The following GRIP1 variants were observed in gnomAD, a reference collection of about 807,000 sequenced individuals.
The protein encoded by GRIP1 is glutamate receptor interacting protein 1, also known as glutamate receptor-interacting protein 1.
In GRIP1, 45 loss-of-function variants were observed where a neutral mutation model predicts 129.9. That is an observed-to-expected ratio of 0.35 (90% CI 0.27 to 0.44). The LOEUF is 0.44. GRIP1 is among the 20% of genes least tolerant of loss of function. The probability of loss-of-function intolerance (pLI) is 1.00; values close to 1 mark genes in which losing one functional copy is unlikely to be tolerated. For missense variants in GRIP1, 1,196 were observed against 1,396.8 expected, an observed-to-expected ratio of 0.86 and a Z score of 2.29; for synonymous variants, 530 against 520.8, an observed-to-expected ratio of 1.02 and a Z score of -0.24.
At chr12:67,002,899 G>A (rs1227240238) in intron 1 of GRIP1, among the ~76,000 whole-genome samples, 1 of 152,106 alleles carries the variant, frequency 6.6e-6, no homozygotes, top group Non-Finnish European at 1.5e-5. Flanking sequence ...AGGGTATTTG[G>A]AGAAGAGTCA....
intron 1 of GRIP1, among the ~76,000 whole-genome samples, chr12:66,600,709 G>C (rs6581706): frequency 6.6e-6 from 1 of 151,926 alleles, no homozygotes; most frequent in Non-Finnish European, 1.5e-5. Flanking sequence ...ATGATTTATT[G>C]ACCAACCTTT....
chr12:67,002,667 C>T (rs993592984), intron 1 of GRIP1, among the ~76,000 whole-genome samples: 2 of 152,192 alleles, frequency 1.3e-5, no homozygotes, highest in African/African-American at 4.8e-5. Context: ...TTTCTTTTCT[C>T]ATTTTTAGAT....
intron 1 of GRIP1, among the ~76,000 whole-genome samples, chr12:66,827,501 T>G (rs2039440467): frequency 6.6e-6 from 1 of 151,584 alleles, no homozygotes; most frequent in East Asian, 1.9e-4. Flanking sequence ...GTAGATGTAA[T>G]CACATATATC....
chr12:66,415,619 G>T (rs1031514723), intron 15 of GRIP1, among the ~76,000 whole-genome samples: 1 of 152,036 alleles, frequency 6.6e-6, no homozygotes, highest in South Asian at 2.1e-4. Context: ...ATATATGCAC[G>T]CTTATGTCCA....
chr12:66,354,637 A>G (rs1219111372), intron 23 of GRIP1, among the ~76,000 whole-genome samples: 1 of 152,236 alleles, frequency 6.6e-6, no homozygotes, highest in East Asian at 1.9e-4. Flanking sequence ...TTATATATAT[A>G]TATTTGTTTT....
chr12:66,843,214 CAAG>C (rs1188007931), intron 1 of GRIP1, among the ~76,000 whole-genome samples: 2 of 151,910 alleles, frequency 1.3e-5, no homozygotes, highest in Non-Finnish European at 2.9e-5. Flanking sequence ...ATAATAACAT[CAAG>C]AAGAATAAAA....
intron 23 of GRIP1, among the ~76,000 whole-genome samples, chr12:66,358,616 T>C (rs1004781758): frequency 3.3e-5 from 5 of 152,102 alleles, no homozygotes; most frequent in African/African-American, 1.2e-4. Context: ...GCATGGCTAA[T>C]TTTTGTAGTT....
chr12:66,730,157 TTAG>T (rs1200549016), intron 1 of GRIP1, among the ~76,000 whole-genome samples: 7 of 152,200 alleles, frequency 4.6e-5, no homozygotes, highest in Non-Finnish European at 7.3e-5. Flanking sequence ...ATTACACCTA[TTAG>T]TAGTTCTATT....
At position 66,354,264 on chromosome 12, in the gene GRIP1, C is replaced by CTAAA. The variant is rs575158528; in HGVS notation, c.3013-705_3013-702dup. 3.9e-5 allele frequency among the ~76,000 whole-genome samples: 6 copies of CTAAA among 152,302 alleles called. No individual in the cohort carries two copies. The South Asian group carries it at 1.2e-3, about 32-fold the overall frequency. On this transcript the variant is annotated intron_variant, in intron 23 of 24. Coordinates refer to ENST00000359742, the MANE Select transcript of GRIP1 (RefSeq NM_001366722.1). Reference sequence around the variant, plus strand: ...TGCATCTAAGGCCAACCACAGCTGGCTAAAGCCTCACTCCTCCACCAGCCC... The same window carrying CTAAA: ...TGCATCTAAGGCCAACCACAGCTGGCTAAATAAAGCCTCACTCCTCCACCAGCCC...
chr12:66,751,539 A>C (rs2037126971), intron 1 of GRIP1, among the ~76,000 whole-genome samples: 1 of 152,140 alleles, frequency 6.6e-6, no homozygotes, highest in Non-Finnish European at 1.5e-5. Context: ...AGTTTATTTC[A>C]TTTCTAACCT....
intron 1 of GRIP1, among the ~76,000 whole-genome samples, chr12:66,639,828 T>A (rs2031761862): frequency 6.6e-6 from 1 of 152,200 alleles, no homozygotes; most frequent in Non-Finnish European, 1.5e-5. Flanking sequence ...TCATGACACA[T>A]ATGAGCAACT....
Position 66,846,820 on chromosome 12 carries a change from C to A in GRIP1, c.58+222230G>T, listed in dbSNP as rs959446878. Among the ~76,000 whole-genome samples, 3 of 152,190 alleles carry A rather than the reference C, an allele frequency of 2.0e-5. No homozygotes were observed. In the East Asian group the frequency reaches 5.8e-4, roughly 29 times the overall value. ...TGTGGGGAAACACCTGGGTCAGCCA[C>A]GGGGCAGAGGAAGAGGGGGGACCTG... On this transcript the variant is annotated intron_variant, in intron 1 of 1. Coordinates refer to the GRIP1 transcript ENST00000643019.
At chr12:66,837,276 G>C (rs1168340171) in intron 1 of GRIP1, among the ~76,000 whole-genome samples, 1 of 152,184 alleles carries the variant, frequency 6.6e-6, no homozygotes, top group Non-Finnish European at 1.5e-5. Context: ...TAGAGTAAAG[G>C]AGAGAGAGAT....
chr12:66,603,481 C>T (rs1483226296), intron 1 of GRIP1, among the ~76,000 whole-genome samples: 1 of 152,210 alleles, frequency 6.6e-6, no homozygotes, highest in African/African-American at 2.4e-5. Flanking sequence ...CAGCCTCCAC[C>T]CCAACCCAGG....
intron 1 of GRIP1, among the ~76,000 whole-genome samples, chr12:66,732,512 T>G (rs1013232121): frequency 6.6e-6 from 1 of 151,848 alleles, no homozygotes; most frequent in East Asian, 1.9e-4. Flanking sequence ...GTGATTGTGT[T>G]ACTTCACTCC....
rs191741129 is a variant in GRIP1, at chr12:66,482,478, G to A, written c.725-17056C>T. On this transcript the variant is annotated intron_variant, in intron 7 of 24. Coordinates refer to ENST00000359742, the MANE Select transcript of GRIP1 (RefSeq NM_001366722.1). The stretch of plus-strand genomic sequence containing the variant: ...GGCAGTCACTTTCTGCATCACAGAA[G>A]GGAATCTACGAATGTTAATGTTTAA... Among the ~76,000 whole-genome samples the A allele has an allele frequency of 5.9e-5, 9 of 152,302 alleles. 1 individual carries two copies. In the East Asian group the frequency reaches 1.7e-3, roughly 29 times the overall value.
chr12:67,039,841 A>T (rs2043149608), intron 1 of GRIP1, among the ~76,000 whole-genome samples: 2 of 152,162 alleles, frequency 1.3e-5, no homozygotes, highest in South Asian at 4.1e-4. Flanking sequence ...TATAAATAAC[A>T]ATTATCCTAT....
In GRIP1 at chr12:66,348,239, T is replaced by TA. The variant is rs1306520544; in HGVS notation, c.*779dup. 1 of 152,178 alleles carries TA rather than the reference T, an allele frequency of 6.6e-6. No homozygotes were observed. Among genetic ancestry groups the TA allele is most frequent in the East Asian group, 1.9e-4 (1 of 5,200 alleles). The allele number at this position is 152,178 out of a possible 1,614,324, so 9.4% of individuals were successfully genotyped here. A position where few individuals can be genotyped will look rare whatever the true frequency, so the allele number is the denominator to read the frequency against. The stretch of plus-strand genomic sequence containing the variant: ...TAGACTCTTCATTCTCTGAAGTTCT[T>TA]AGTCTTGAATTTTAAAAATAAGATA... On this transcript the variant is annotated 3_prime_UTR_variant, in exon 25 of 25. Coordinates refer to ENST00000359742, the MANE Select transcript of GRIP1 (RefSeq NM_001366722.1).
intron 1 of GRIP1, among the ~76,000 whole-genome samples, chr12:66,770,809 C>A (rs2037793579): frequency 6.6e-6 from 1 of 152,092 alleles, no homozygotes; most frequent in African/African-American, 2.4e-5. Flanking sequence ...GAAAACTTAG[C>A]AGTTGGCGGG....
Sources: gnomAD v4.1 joint callset for allele counts (sites outside exome capture counted in the v4.1 genomes callset) on GRCh38, gnomAD v4.1.1 for gene constraint, MANE v1.5 for transcripts, NCBI Gene and HGNC (gene_info 2026-07-23, HGNC 2026-07-21) for gene names.